ZNF461: variants seen among roughly 807,000 people sequenced by gnomAD.
ZNF461 encodes the protein zinc finger protein 461, also known as gonadotropin-inducible ovarian transcription factor-1.
Under a neutral mutation model 18.3 loss-of-function variants are expected in ZNF461, and 16 were observed. That is an observed-to-expected ratio of 0.88 (90% CI 0.59 to 1.33). The LOEUF is 1.33. Among genes scored for constraint, ZNF461 ranks in the 40% most tolerant of loss-of-function variants. The probability of loss-of-function intolerance (pLI) is 0.00; values close to 1 mark genes in which losing one functional copy is unlikely to be tolerated. For synonymous variants in ZNF461, 179 were observed against 216.9 expected (o/e 0.83, Z 1.54); for missense variants, 595 against 669.9 (o/e 0.89, Z 1.23).
chr19:36,662,111 C>T lies in ZNF461; in HGVS notation c.9+2587G>A, dbSNP rs1430690518. Among the ~76,000 whole-genome samples the T allele has an allele frequency of 4.6e-5, 7 of 152,066 alleles. No homozygotes were observed. The East Asian group carries it at 5.8e-4, about 13-fold the overall frequency. On this transcript the variant is annotated intron_variant, in intron 2 of 5. Coordinates refer to ENST00000588268, the MANE Select transcript of ZNF461 (RefSeq NM_153257.5). ...ATCGAACTCCCGACCTCAGGTGATC[C>T]GCCCGCTTCAGCCTCCCAAAATGCA...
rs1352885576 is a variant in ZNF461 at position 36,638,580 on chromosome 19, C to G, written c.*73G>C. 9.3e-7 allele frequency: 1 copy of G among 1,078,898 alleles called. No homozygotes were observed. The highest frequency in any genetic ancestry group is 1.3e-6 in the Non-Finnish European group (1 of 769,414). The allele number at this position is 1,078,898 out of a possible 1,614,324, so 66.8% of individuals were successfully genotyped here. ...CAAGGATTATTTAAATAAATAAATA[C>G]TAATGAAACTGGTGGCTTACCAACT... On this transcript the variant is annotated 3_prime_UTR_variant, in exon 6 of 6. Transcript: ENST00000588268.
At position 36,653,149 on chromosome 19, in the gene ZNF461, C is replaced by G. The variant is rs58495455; in HGVS notation, c.232+3299G>C. On this transcript the variant is annotated intron_variant, in intron 4 of 5. Coordinates refer to ENST00000588268, the MANE Select transcript of ZNF461 (RefSeq NM_153257.5). ...TACATTGCCAGTTAAGAATGTAAGA[C>G]GGTACAAACATTGTTGACAATAATT... 2.0e-5 allele frequency among the ~76,000 whole-genome samples: 3 copies of G among 152,220 alleles called. No homozygotes were observed. The East Asian group carries it at 5.8e-4, about 29-fold the overall frequency.
chr19:36,637,803 C>T lies in ZNF461; in HGVS notation c.*850G>A, dbSNP rs1167411092. The T allele has an allele frequency of 1.2e-5, 5 of 430,688 alleles. No individual in the cohort carries two copies. Among genetic ancestry groups the T allele is most frequent in the South Asian group, 1.7e-5 (1 of 58,014 alleles). 26.7% of individuals were successfully genotyped at this position (430,688 alleles called of 1,614,324 possible). A position where few individuals can be genotyped will look rare whatever the true frequency, so the allele number is the denominator to read the frequency against. ...TTATGAAATTTACATGAAATATTCC[C>T]GTTAGAATAAAAGGAAACTGATAGC... On this transcript the variant is annotated 3_prime_UTR_variant, in exon 6 of 6. Transcript: ENST00000588268.
At chr19:36,641,509 C>T (rs1041348631) in intron 5 of ZNF461, among the ~76,000 whole-genome samples, 4 of 151,076 alleles carry the variant, frequency 2.6e-5, no homozygotes, top group African/African-American at 9.7e-5. Flanking sequence ...CAGAGTAAGA[C>T]TGTCTCAGAA....
chr19:36,666,558 A>G (rs886901447), intron 1 of ZNF461, 132 bp downstream of exon 1: 1 of 152,958 alleles, frequency 6.5e-6, no homozygotes, highest in African/African-American at 2.4e-5. Context: ...CCCAACAGTA[A>G]CACACAGCCC....
intron 5 of ZNF461, among the ~76,000 whole-genome samples, chr19:36,640,769 A>G (rs2037409487): frequency 6.6e-6 from 1 of 152,206 alleles, no homozygotes; most frequent in African/African-American, 2.4e-5. Context: ...AATTAAATTT[A>G]TATGCCTGGG....
chr19:36,658,274 G>C, intron 3 of ZNF461, 25 bp downstream of exon 3: 1 of 1,590,822 alleles, frequency 6.3e-7, no homozygotes, highest in Non-Finnish European at 8.6e-7. Context: ...GAATTGTCAG[G>C]TTCTTAATTT....
chr19:36,664,335 C>A (rs1288789580), intron 2 of ZNF461, among the ~76,000 whole-genome samples: 1 of 152,158 alleles, frequency 6.6e-6, no homozygotes, highest in Admixed American at 6.5e-5. Flanking sequence ...TGCCTGTAAT[C>A]CCAGCACTTC....
chr19:36,666,099 T>G (rs1296481863), intron 1 of ZNF461, among the ~76,000 whole-genome samples: 10 of 151,540 alleles, frequency 6.6e-5, no homozygotes, highest in Non-Finnish European at 1.3e-4. Context: ...TTTTTTGTTT[T>G]TTTTTTTTTG....
intron 3 of ZNF461, among the ~76,000 whole-genome samples, chr19:36,657,493 A>G (rs2037744605): frequency 6.9e-6 from 1 of 144,290 alleles, no homozygotes; most frequent in Admixed American, 6.9e-5. Flanking sequence ...AAAAAAATTA[A>G]AAAGGCCAGG....
chr19:36,639,769 A>T lies in ZNF461; in HGVS notation c.576T>A (p.Ser192=). The T allele has an allele frequency of 6.2e-7, 1 of 1,613,600 alleles. No homozygotes were observed. Among genetic ancestry groups the T allele is most frequent in the Non-Finnish European group, 8.5e-7 (1 of 1,179,680 alleles). The part of the protein sequence containing the change: ...TQEFYDREKI[S]ECKKCRKIFS... ...AGATTTTTCTACACTTTTTACATTC[A>T]GAGATTTTCTCTCTATCATAAAATT... Residue 192 remains serine (S), a synonymous_variant, in exon 6 of 6, where the codon TCT becomes TCA. Transcript: ENST00000588268.
intron 2 of ZNF461, among the ~76,000 whole-genome samples, chr19:36,663,650 C>T (rs1267576144): frequency 2.6e-5 from 4 of 151,432 alleles, no homozygotes; most frequent in Non-Finnish European, 4.4e-5. Flanking sequence ...CTCAGCCTCT[C>T]GAGTAGCTAG....
chr19:36,661,939 G>A (rs1434336920), intron 2 of ZNF461, among the ~76,000 whole-genome samples: 4 of 151,906 alleles, frequency 2.6e-5, no homozygotes, highest in African/African-American at 9.7e-5. Context: ...GCACAATCTC[G>A]GCTCACTGCA....
chr19:36,664,844 A>C, intron 1 of ZNF461, 58 bp from the exon 2 acceptor site: 2 of 554,956 alleles, frequency 3.6e-6, no homozygotes, highest in Non-Finnish European at 6.1e-6. Flanking sequence ...AGCTCCCAAA[A>C]TGTTAATTCA....
At chr19:36,655,396 C>T (rs892454773) in intron 4 of ZNF461, among the ~76,000 whole-genome samples, 30 of 152,026 alleles carry the variant, frequency 2.0e-4, no homozygotes, top group Admixed American at 1.9e-3. Flanking sequence ...TTAAGGAGGT[C>T]GAGACCAGCC....
Position 36,638,564 on chromosome 19 carries a change from T to C in ZNF461, c.*89A>G. The C allele has an allele frequency of 3.9e-6, 4 of 1,017,290 alleles. No individual in the cohort carries two copies. The highest frequency in any genetic ancestry group is 2.1e-5 in the South Asian group (1 of 48,550). The allele number at this position is 1,017,290 out of a possible 1,614,324, so 63.0% of individuals were successfully genotyped here. On this transcript the variant is annotated 3_prime_UTR_variant, in exon 6 of 6. Coordinates refer to ENST00000588268, the MANE Select transcript of ZNF461 (RefSeq NM_153257.5). ...AAAAACATTTGATTTTCAAGGATTA[T>C]TTAAATAAATAAATACTAATGAAAC...
chr19:36,639,185 C>T lies in ZNF461; in HGVS notation c.1160G>A (p.Cys387Tyr). Residue 387 changes from cysteine to tyrosine, a missense_variant, in exon 6 of 6, where the codon TGT (cysteine) becomes TAT (tyrosine). Transcript: ENST00000588268. ...RIHTGEKPYE[C>Y]RECGKAFSYH... is the part of the protein sequence containing the mutation. ...GCTAAAGGCCTTCCCACATTCCCGACATTCATAGGGTTTCTCACCAGTATG... is the reference window on the plus strand; with the variant it reads ...GCTAAAGGCCTTCCCACATTCCCGATATTCATAGGGTTTCTCACCAGTATG... The T allele has an allele frequency of 5.0e-6, 8 of 1,614,132 alleles. No homozygotes were observed. Among genetic ancestry groups the T allele is most frequent in the Non-Finnish European group, 6.8e-6 (8 of 1,180,020 alleles).
chr19:36,644,886 C>T (rs957689851), intron 4 of ZNF461, among the ~76,000 whole-genome samples: 24 of 152,094 alleles, frequency 1.6e-4, no homozygotes, highest in African/African-American at 2.9e-4. Context: ...TGTGAGCCAC[C>T]GTGCCTGGCC....
intron 4 of ZNF461, among the ~76,000 whole-genome samples, chr19:36,649,642 G>A (rs1394173936): frequency 1.3e-5 from 2 of 151,934 alleles, no homozygotes; most frequent in Non-Finnish European, 2.9e-5. Context: ...GAGCCACCAC[G>A]CCTGGCTGAA....
Sources: gnomAD v4.1 joint callset for allele counts (sites outside exome capture counted in the v4.1 genomes callset) on GRCh38, gnomAD v4.1.1 for gene constraint, MANE v1.5 for transcripts, NCBI Gene and HGNC (gene_info 2026-07-23, HGNC 2026-07-21) for gene names.